TSBP1: variants seen among roughly 807,000 people sequenced by gnomAD.
TSBP1 encodes the protein testis-expressed basic protein 1.
In TSBP1, 56 loss-of-function variants were observed where a neutral mutation model predicts 68.8. That is an observed-to-expected ratio of 0.81 (90% CI 0.66 to 1.02). TSBP1 has a LOEUF of 1.02. Ranked by LOEUF, TSBP1 falls within the 50% of genes least tolerant of loss-of-function variation. TSBP1 has a pLI of 0.00. For missense variants in TSBP1, 502 were observed against 641.2 expected, an observed-to-expected ratio of 0.78 and a Z score of 2.34; for synonymous variants, 171 against 208.7, an observed-to-expected ratio of 0.82 and a Z score of 1.56.
chr6:32,315,334 G>A lies in TSBP1; in HGVS notation c.580+438C>T, dbSNP rs528699533. ...ACCCAGCACTTTGGGAGGCCAACGCGGGCGGATCACTTGAGGTCAGGAGTT... is the reference window on the plus strand; with the variant it reads ...ACCCAGCACTTTGGGAGGCCAACGCAGGCGGATCACTTGAGGTCAGGAGTT... On this transcript the variant is annotated intron_variant, in intron 19 of 22. Coordinates refer to ENST00000612031, the Ensembl canonical transcript of TSBP1. This position sits in a 1 kb window ranked among gnomAD's most constrained non-coding sequence, Gnocchi z 5.4. Among the ~76,000 whole-genome samples the A allele has an allele frequency of 2.0e-5, 3 of 152,032 alleles. No homozygotes were observed. The highest frequency in any genetic ancestry group is 2.9e-5 in the Non-Finnish European group (2 of 67,992).
chr6:32,327,449 G>GCAA (rs1349978350), intron 16 of TSBP1, among the ~76,000 whole-genome samples: 1 of 152,152 alleles, frequency 6.6e-6, no homozygotes, highest in African/African-American at 2.4e-5. Context: ...CTCAGTGCAT[G>GCAA]TCCGGCCTTA....
In TSBP1 at chr6:32,330,763, T is replaced by C. The variant is rs142915114; in HGVS notation, c.494-154A>G. Among the ~76,000 whole-genome samples the C allele has an allele frequency of 8.2e-4, 125 of 152,152 alleles. 3 individuals carry two copies. In the East Asian group the frequency reaches 0.018, roughly 22 times the overall value. On this transcript the variant is annotated intron_variant, in intron 15 of 22. Coordinates refer to ENST00000612031, the Ensembl canonical transcript of TSBP1. The stretch of plus-strand genomic sequence containing the variant: ...TTGGCTCACTGCAACCTCCACCTTC[T>C]GGGTTCAAGGGATTCTCGTGCCTCA...
rs759458271 is a variant in TSBP1, at chr6:32,365,534, C to T, written c.217+633G>A. ...TCTCTTTTCCCTGCTCCCAGCCTCT[C>T]CTAACCATTCAACTATGCTGATCAT... On this transcript the variant is annotated intron_variant, in intron 6 of 22. Coordinates refer to ENST00000612031, the Ensembl canonical transcript of TSBP1. This position sits in a 1 kb window ranked among gnomAD's most constrained non-coding sequence, Gnocchi z 4.3. 2.2e-6 allele frequency: 1 copy of T among 456,496 alleles called. No homozygotes were observed. The highest frequency in any genetic ancestry group is 1.5e-5 in the South Asian group (1 of 64,548). 28.3% of individuals were successfully genotyped at this position (456,496 alleles called of 1,614,324 possible).
Position 32,335,510 on chromosome 6 carries a change from CT to C in TSBP1, c.452-54del. On this transcript the variant is annotated intron_variant, in intron 13 of 22. Transcript: ENST00000612031. The surrounding 1 kb of genome is among the most constrained non-coding windows in gnomAD (Gnocchi z 5.5). ...TAGCTATATATATATTTTATATATA[CT>C]TTTTATTTATATACTTTAATTTGTA... 1.8e-6 allele frequency: 2 copies of C among 1,126,022 alleles called. No individual in the cohort carries two copies. Among genetic ancestry groups the C allele is most frequent in the South Asian group, 2.8e-5 (1 of 35,456 alleles). 69.8% of individuals were successfully genotyped at this position (1,126,022 alleles called of 1,614,324 possible). A position where few individuals can be genotyped will look rare whatever the true frequency, so the allele number is the denominator to read the frequency against.
At chr6:32,367,051 GC>G (rs1773822328) in intron 4 of TSBP1, among the ~76,000 whole-genome samples, 1 of 119,406 alleles carries the variant, frequency 8.4e-6, no homozygotes, top group Non-Finnish European at 1.7e-5. Context: ...TATGCTTGTA[GC>G]GTGTGTGTGT....
Position 32,302,931 on chromosome 6 carries a change from A to G in TSBP1, c.581-302T>C, listed in dbSNP as rs1765447561. Among the ~76,000 whole-genome samples, 3 of 152,212 alleles carry G rather than the reference A, an allele frequency of 2.0e-5. No homozygotes were observed. In the South Asian group the frequency reaches 6.2e-4, roughly 32 times the overall value. On this transcript the variant is annotated intron_variant, in intron 19 of 22. Transcript: ENST00000612031. This position sits in a 1 kb window ranked among gnomAD's most constrained non-coding sequence, Gnocchi z 5.1. ...GGGACCCTTTTAAAGTGTCAGCAAG[A>G]CTCCTGCTTAAGAGCCACCAATGGT...
chr6:32,366,050 A>G, intron 6 of TSBP1, 117 bp downstream of exon 6: 1 of 1,361,166 alleles, frequency 7.3e-7, no homozygotes, highest in Non-Finnish European at 1.0e-6. Context: ...ATATTCTGTA[A>G]CTACTTTGAT....
chr6:32,348,414 C>G (rs1450087072), intron 9 of TSBP1, among the ~76,000 whole-genome samples: 1 of 133,134 alleles, frequency 7.5e-6, no homozygotes. Flanking sequence ...AACAAAACAG[C>G]CTTATTCATG....
At chr6:32,310,568 C>T (rs1353122748) in intron 19 of TSBP1, among the ~76,000 whole-genome samples, 1 of 150,976 alleles carries the variant, frequency 6.6e-6, no homozygotes, top group Non-Finnish European at 1.5e-5. Context: ...TTCCAGTTTA[C>T]TCTTTTAAAC....
chr6:32,294,077 T>G (rs766807945), intron 22 of TSBP1, 42 bp from the exon 26 acceptor site: 3 of 1,589,808 alleles, frequency 1.9e-6, no homozygotes, highest in Middle Eastern at 3.3e-4. Flanking sequence ...TATCAAGTAT[T>G]TTCTCTTTAT....
At chr6:32,313,733 A>T (rs1018433) in intron 19 of TSBP1, among the ~76,000 whole-genome samples, 31,998 of 152,056 alleles carry the variant, frequency 0.21, 3,553 homozygotes, top group East Asian at 0.22. Flanking sequence ...GTACACTGCC[A>T]CTGAACCAGA....
rs1477322530 is a variant in TSBP1 at position 32,335,726 on chromosome 6, A to G, written c.451+186T>C. On this transcript the variant is annotated intron_variant, in intron 13 of 22. Transcript: ENST00000612031. The surrounding 1 kb of genome is among the most constrained non-coding windows in gnomAD (Gnocchi z 5.5). ...ATTCTCCACTTTGTAGTTTGTTTTTATTGGTGAGGTGTACATTCACACAGC... is the reference window on the plus strand; with the variant it reads ...ATTCTCCACTTTGTAGTTTGTTTTTGTTGGTGAGGTGTACATTCACACAGC... Among the ~76,000 whole-genome samples, 1 of 152,142 alleles carries G rather than the reference A, an allele frequency of 6.6e-6. No homozygotes were observed. Among genetic ancestry groups the G allele is most frequent in the East Asian group, 1.9e-4 (1 of 5,198 alleles).
chr6:32,332,159 G>T (rs1326754007), intron 14 of TSBP1, 105 bp from the exon 16 acceptor site: 3 of 801,312 alleles, frequency 3.7e-6, no homozygotes, highest in Non-Finnish European at 6.6e-6. Context: ...GCAGGGGAGA[G>T]GAAGTGATAT....
chr6:32,308,824 T>C (rs926095782), intron 19 of TSBP1, among the ~76,000 whole-genome samples: 8 of 152,124 alleles, frequency 5.3e-5, no homozygotes, highest in Non-Finnish European at 7.4e-5. Context: ...TCTGACCTTT[T>C]GTCAAATTAT....
intron 18 of TSBP1, among the ~76,000 whole-genome samples, chr6:32,322,167 TTTGCATTTTGGAAAGGTAGG>T (rs1162970413): frequency 4.6e-5 from 7 of 152,152 alleles, no homozygotes; most frequent in African/African-American, 1.7e-4. Flanking sequence ...GAGAACCAAA[TTTGCATTTTGGAAAGGTAGG>T]ACATAGTGTG....
At chr6:32,366,216 T>A (rs748615544) in intron 5 of TSBP1, 29 bp from the exon 6 acceptor site, 14 of 1,593,562 alleles carry the variant, frequency 8.8e-6, no homozygotes, top group South Asian at 2.3e-5. Context: ...ATTATAAGAT[T>A]CTTAATTTCT....
At chr6:32,322,259 A>C (rs142333763) in intron 18 of TSBP1, among the ~76,000 whole-genome samples, 17 of 152,354 alleles carry the variant, frequency 1.1e-4, no homozygotes, top group African/African-American at 9.6e-5. Flanking sequence ...CCTGGTTTAA[A>C]TATTGAGTCA....
Position 32,361,596 on chromosome 6 carries a change from G to A in TSBP1, c.217+4571C>T, listed in dbSNP as rs1337251624. Among the ~76,000 whole-genome samples, 1 of 152,094 alleles carries A rather than the reference G, an allele frequency of 6.6e-6. No individual in the cohort carries two copies. The highest frequency in any genetic ancestry group is 1.5e-5 in the Non-Finnish European group (1 of 68,006). On this transcript the variant is annotated intron_variant, in intron 6 of 22. Coordinates refer to ENST00000612031, the Ensembl canonical transcript of TSBP1. The surrounding 1 kb of genome is among the most constrained non-coding windows in gnomAD (Gnocchi z 4.3). ...AACTGGTGTGAGATGGTATCTCACT[G>A]TGGTTTTGATTTGCATTTCTCTGAT...
chr6:32,330,541 G>A (rs749912362), intron 16 of TSBP1, 48 bp downstream of exon 17: 4 of 1,576,178 alleles, frequency 2.5e-6, no homozygotes, highest in Middle Eastern at 1.7e-4. Flanking sequence ...TCTAGACACT[G>A]TAGAAGATCA....
Sources: gnomAD v4.1 joint callset for allele counts (sites outside exome capture counted in the v4.1 genomes callset) on GRCh38, gnomAD v4.1.1 for gene constraint, Gnocchi (gnomAD v3.1) non-coding constraint, MANE v1.5 for transcripts, NCBI Gene and HGNC (gene_info 2026-07-23, HGNC 2026-07-21) for gene names.